Variants in ZNF774 observed in about 807,000 individuals in gnomAD.
The protein encoded by ZNF774 is zinc finger protein 774.
Under a neutral mutation model 11.1 loss-of-function variants are expected in ZNF774, and 14 were observed. The ratio of observed to expected loss-of-function variants is 1.26; its 90% CI spans 0.83 to 1.97. The LOEUF (loss-of-function observed/expected upper bound fraction) is 1.97, where lower values mean the gene tolerates loss of function less well. Ranked by LOEUF, ZNF774 falls within the 30% of genes most tolerant of loss-of-function variation. The probability of loss-of-function intolerance (pLI) is 0.00; values close to 1 mark genes in which losing one functional copy is unlikely to be tolerated. For missense variants in ZNF774, 599 were observed against 587.0 expected (o/e 1.02, Z -0.21); for synonymous variants, 195 against 212.6 (o/e 0.92, Z 0.72).
chr15:90,355,295 C>T (rs16944254), intron 2 of ZNF774: 108,595 of 455,876 alleles, frequency 0.24, 14,248 homozygotes, highest in African/African-American at 0.4. Flanking sequence ...ATTTATTGTC[C>T]TTTTAATATC....
intron 3 of ZNF774, 72 bp downstream of exon 3, chr15:90,359,029 G>A: frequency 8.6e-7 from 1 of 1,160,640 alleles, no homozygotes; most frequent in Non-Finnish European, 1.2e-6. Context: ...AATTTGGAAT[G>A]CTGCCTTAGA....
Position 90,360,371 on chromosome 15 carries a change from G to T in ZNF774, c.540G>T (p.Thr180=). ...CCCACACTGGCGAGAGGCCCTATAC[G>T]TGCATTGAGTGTGGGAAAGGCTTCA... ...LRTHTGERPY[T]CIECGKGFKQ... The change falls in exon 4 of 4, where the codon ACG becomes ACT. Residue 180 remains threonine, a synonymous_variant. Coordinates refer to ENST00000354377, the MANE Select transcript of ZNF774 (RefSeq NM_001004309.3). The T allele has an allele frequency of 6.2e-7, 1 of 1,614,078 alleles. No homozygotes were observed.
rs201224248 is a variant in ZNF774, at chr15:90,358,880, C to T, written c.134C>T (p.Pro45Leu). The T allele has an allele frequency of 2.4e-4, 393 of 1,613,104 alleles. No homozygotes were observed. The highest frequency in any genetic ancestry group is 3.2e-4 in the Non-Finnish European group (378 of 1,179,526). The change falls in exon 3 of 4, where the codon CCG becomes CTG. Residue 45 changes from proline to leucine, a missense_variant. Transcript: ENST00000354377. ...TCCAGGCCTAGTGTAATCTCCCAGCCGGAGCAGAAAGAAGAGCCATGGGTC... is the reference window on the plus strand; with the variant it reads ...TCCAGGCCTAGTGTAATCTCCCAGCTGGAGCAGAAAGAAGAGCCATGGGTC... ...GISRPSVISQ[P>L]EQKEEPWVLP... is the part of the protein sequence containing the mutation.
intron 1 of ZNF774, 79 bp from the exon 2 acceptor site, chr15:90,354,563 G>A (rs1826542831): frequency 3.4e-6 from 3 of 894,464 alleles, no homozygotes; most frequent in Admixed American, 2.3e-5. Context: ...TGTGTACACT[G>A]GTGGCCATTT....
rs147762460 is a variant in ZNF774 at position 90,353,933 on chromosome 15, A to G, written c.-19-709A>G. Among the ~76,000 whole-genome samples, 92 of 152,272 alleles carry G rather than the reference A, an allele frequency of 6.0e-4. 1 individual carries two copies. The highest frequency in any genetic ancestry group is 2.0e-3 in the African/African-American group (85 of 41,554). The stretch of plus-strand genomic sequence containing the variant: ...TCCATCCAGTAATTCACTCTTGACT[A>G]TCCTCCAAAAAGTAATGTTTTTCAT... On this transcript the variant is annotated intron_variant, in intron 1 of 3. Transcript: ENST00000354377.
chr15:90,360,969 T>C lies in ZNF774; in HGVS notation c.1138T>C (p.Cys380Arg), dbSNP rs746445993. Reference protein sequence around the residue: ...TGERPFKCENCGKGFADSSAL... With the variant: ...TGERPFKCENRGKGFADSSAL... ...TGAGAGACCTTTTAAGTGCGAAAAC[T>C]GTGGGAAAGGATTCGCCGACAGCTC... The change falls in exon 4 of 4, where the codon TGT becomes CGT. Residue 380 changes from cysteine (C) to arginine (R), a missense_variant. Transcript: ENST00000354377. The C allele has an allele frequency of 8.5e-5, 137 of 1,614,030 alleles. No homozygotes were observed. The highest frequency in any genetic ancestry group is 1.6e-4 in the Middle Eastern group (1 of 6,084).
At position 90,361,151 on chromosome 15, in the gene ZNF774, C is replaced by T. The variant is rs1238789928; in HGVS notation, c.1320C>T (p.Phe440=). 6.2e-7 allele frequency: 1 copy of T among 1,614,214 alleles called. No individual in the cohort carries two copies. The highest frequency in any genetic ancestry group is 1.1e-5 in the South Asian group (1 of 91,078). Residue 440 remains phenylalanine, a synonymous_variant, in exon 4 of 4, where the codon TTC becomes TTT. Coordinates refer to ENST00000354377, the MANE Select transcript of ZNF774 (RefSeq NM_001004309.3). ...GATGTCCTGAGTGTGGCAAGACCTTCAATCAGCGTTCCCATTTCCTCACAC... is the reference window on the plus strand; with the variant it reads ...GATGTCCTGAGTGTGGCAAGACCTTTAATCAGCGTTCCCATTTCCTCACAC... ...PYRCPECGKT[F]NQRSHFLTHQ...
In ZNF774 at chr15:90,359,233, C is replaced by A. The variant is rs558156359; in HGVS notation, c.211+276C>A. On this transcript the variant is annotated intron_variant, in intron 3 of 3. Transcript: ENST00000354377. ...GACTACAGGCGCCCGCCACCGCGCC[C>A]GGCTAATTTTTTGTATTTTTAGTAG... Among the ~76,000 whole-genome samples the A allele has an allele frequency of 3.3e-5, 5 of 150,358 alleles. No individual in the cohort carries two copies. In the South Asian group the frequency reaches 1.1e-3, roughly 32 times the overall value.
At position 90,362,023 on chromosome 15, in the gene ZNF774, T is replaced by C. The variant is rs908323243; in HGVS notation, c.*740T>C. ...CCCTTAAAAGACACTCAGTACAAGA[T>C]TGGTGGCTTTTATCAGTCTTATTAC... is the stretch of plus-strand genomic sequence containing the variant. On this transcript the variant is annotated 3_prime_UTR_variant, in exon 4 of 4. Transcript: ENST00000354377. 3 of 157,800 alleles carry C rather than the reference T, an allele frequency of 1.9e-5. No homozygotes were observed. Among genetic ancestry groups the C allele is most frequent in the African/African-American group, 7.2e-5 (3 of 41,510 alleles). 9.8% of individuals were successfully genotyped at this position (157,800 alleles called of 1,614,324 possible).
chr15:90,353,227 A>T (rs964178362), intron 1 of ZNF774, among the ~76,000 whole-genome samples: 10 of 152,094 alleles, frequency 6.6e-5, no homozygotes, highest in Non-Finnish European at 4.4e-5. Flanking sequence ...TCGTCTTCCC[A>T]AAGTGCTGGG....
At position 90,360,435 on chromosome 15, in the gene ZNF774, A is replaced by C. The variant is rs536153892; in HGVS notation, c.604A>C (p.Thr202Pro). The C allele has an allele frequency of 4.3e-6, 7 of 1,613,736 alleles. No homozygotes were observed. The highest frequency in any genetic ancestry group is 5.9e-6 in the Non-Finnish European group (7 of 1,180,038). The change falls in exon 4 of 4, where the codon ACA (threonine) becomes CCA (proline). Residue 202 changes from threonine (T) to proline (P), a missense_variant. By Grantham distance (38) the Thr-to-Pro change is conservative. Transcript: ENST00000354377. ...CCTTGTCACCCATCGCAGAACACAC[A>C]CAGGAGAGAAGCCCTACCAATGCAA... ...SDLVTHRRTH[T>P]GEKPYQCKGC...
intron 2 of ZNF774, among the ~76,000 whole-genome samples, 195 bp downstream of exon 2, chr15:90,354,959 T>G (rs568019243): frequency 6.6e-6 from 1 of 152,138 alleles, no homozygotes; most frequent in Non-Finnish European, 1.5e-5. Flanking sequence ...CATGCCTAGC[T>G]AATTTTTTGT....
Position 90,360,558 on chromosome 15 carries a change from A to G in ZNF774, c.727A>G (p.Thr243Ala). The G allele has an allele frequency of 6.2e-7, 1 of 1,613,784 alleles. No homozygotes were observed. Among genetic ancestry groups the G allele is most frequent in the East Asian group, 2.2e-5 (1 of 44,850 alleles). The change falls in exon 4 of 4, where the codon ACT becomes GCT. Residue 243 changes from threonine to alanine, a missense_variant. Transcript: ENST00000354377. ...CTATGAGTGCCCAGAGTGTGGAAAG[A>G]CTTTTGGGCGGAAGCCACACCTCAT... ...RPYECPECGK[T>A]FGRKPHLIMH...
At position 90,356,088 on chromosome 15, in the gene ZNF774, A is replaced by G. The variant is rs529175620; in HGVS notation, c.104+1324A>G. On this transcript the variant is annotated intron_variant, in intron 2 of 3. Transcript: ENST00000354377. ...CCTCCAATGCTCTTTCTCAAATATC[A>G]TGGCTACCCTTCCTCCTGCTTTACT... is the stretch of plus-strand genomic sequence containing the variant. 7.4e-5 allele frequency among the ~76,000 whole-genome samples: 11 copies of G among 148,332 alleles called. No individual in the cohort carries two copies. The East Asian group carries it at 2.2e-3, about 30-fold the overall frequency.
rs370766220 is a variant in ZNF774 at position 90,361,013 on chromosome 15, A to G, written c.1182A>G (p.Gln394=). Residue 394 remains glutamine, a synonymous_variant, in exon 4 of 4, where the codon CAA becomes CAG. Coordinates refer to ENST00000354377, the MANE Select transcript of ZNF774 (RefSeq NM_001004309.3). ...ACAGCTCCGCCCTCATTAAGCACCA[A>G]CGAATCCACACCGGAGAAAGACCCT... is the stretch of plus-strand genomic sequence containing the variant. ...FADSSALIKH[Q]RIHTGERPYK... is the part of the protein sequence containing the mutation. 6.2e-7 allele frequency: 1 copy of G among 1,614,126 alleles called. No individual in the cohort carries two copies. Among genetic ancestry groups the G allele is most frequent in the South Asian group, 1.1e-5 (1 of 91,076 alleles).
At chr15:90,359,262 C>T (rs1415176947) in intron 3 of ZNF774, among the ~76,000 whole-genome samples, 2 of 148,088 alleles carry the variant, frequency 1.4e-5, no homozygotes, top group Non-Finnish European at 3.0e-5. Context: ...TTAGTAGAGA[C>T]GGGGTTTCAC....
chr15:90,361,702 C>G lies in ZNF774; in HGVS notation c.*419C>G, dbSNP rs2151683680. ...TGGCACGTGCCTGTAGTCCCAGCTACTCGGGAGGCCGAGGCAGAAGAATCA... is the reference window on the plus strand; with the variant it reads ...TGGCACGTGCCTGTAGTCCCAGCTAGTCGGGAGGCCGAGGCAGAAGAATCA... On this transcript the variant is annotated 3_prime_UTR_variant, in exon 4 of 4. Coordinates refer to ENST00000354377, the MANE Select transcript of ZNF774 (RefSeq NM_001004309.3). 5.6e-6 allele frequency: 1 copy of G among 178,788 alleles called. No individual in the cohort carries two copies. Among genetic ancestry groups the G allele is most frequent in the South Asian group, 1.6e-4 (1 of 6,264 alleles). 11.1% of individuals were successfully genotyped at this position (178,788 alleles called of 1,614,324 possible). A position where few individuals can be genotyped will look rare whatever the true frequency, so the allele number is the denominator to read the frequency against.
At chr15:90,359,034 C>A in intron 3 of ZNF774, 77 bp downstream of exon 3, 1 of 1,070,644 alleles carries the variant, frequency 9.3e-7, no homozygotes, top group Non-Finnish European at 1.4e-6. Flanking sequence ...GGAATGCTGC[C>A]TTAGAATTTT....
chr15:90,354,067 CT>C (rs200430155), intron 1 of ZNF774, among the ~76,000 whole-genome samples: 2 of 148,096 alleles, frequency 1.4e-5, no homozygotes, highest in South Asian at 2.1e-4. Flanking sequence ...TCCATGTCTT[CT>C]TTTTTTTAAA....
Sources: gnomAD v4.1 joint callset for allele counts (sites outside exome capture counted in the v4.1 genomes callset) on GRCh38, gnomAD v4.1.1 for gene constraint, MANE v1.5 for transcripts, NCBI Gene and HGNC (gene_info 2026-07-23, HGNC 2026-07-21) for gene names.